The following CAMK2D variants were observed in gnomAD, a reference collection of about 807,000 sequenced individuals.
CAMK2D encodes calcium/calmodulin dependent protein kinase II delta.
A neutral mutation model predicts 84.0 loss-of-function variants in CAMK2D; 37 were observed. That is an observed-to-expected ratio of 0.44 (90% CI 0.34 to 0.58). The LOEUF (loss-of-function observed/expected upper bound fraction) is 0.58, where lower values mean the gene tolerates loss of function less well. Among genes scored for constraint, CAMK2D ranks in the 20% least tolerant of loss-of-function variants. The pLI, the probability that CAMK2D is intolerant of heterozygous loss-of-function variation, is 0.02. For synonymous variants in CAMK2D, 202 were observed against 212.5 expected (o/e 0.95, Z 0.43); for missense variants, 448 against 652.5 (o/e 0.69, Z 3.41).
intron 2 of CAMK2D, among the ~76,000 whole-genome samples, chr4:113,700,637 T>G (rs984669548): frequency 1.3e-5 from 2 of 152,264 alleles, no homozygotes; most frequent in East Asian, 3.9e-4. Context: ...AGGTCCCAGG[T>G]AAACTGCTTC....
intron 4 of CAMK2D, among the ~76,000 whole-genome samples, chr4:113,570,776 C>A (rs1475012657): frequency 6.6e-6 from 1 of 152,042 alleles, no homozygotes; most frequent in East Asian, 1.9e-4. Flanking sequence ...AAAGATCAGA[C>A]AACAAAAGCA....
intron 3 of CAMK2D, among the ~76,000 whole-genome samples, chr4:113,622,480 T>C (rs2099050226): frequency 1.3e-5 from 2 of 152,276 alleles, no homozygotes; most frequent in African/African-American, 4.8e-5. Context: ...AAAAAAATAA[T>C]ATAGCTGGGC....
intron 5 of CAMK2D, among the ~76,000 whole-genome samples, chr4:113,551,812 T>C (rs565110003): frequency 2.5e-4 from 38 of 152,178 alleles, no homozygotes; most frequent in Non-Finnish European, 5.0e-4. Context: ...GTGGGGTGTT[T>C]TGGTTTGTTT....
At chr4:113,548,082 T>C (rs1311958512) in intron 5 of CAMK2D, among the ~76,000 whole-genome samples, 1 of 152,176 alleles carries the variant, frequency 6.6e-6, no homozygotes, top group Non-Finnish European at 1.5e-5. Context: ...GTTTCCCTTT[T>C]CTCTCCCATT....
intron 3 of CAMK2D, among the ~76,000 whole-genome samples, chr4:113,657,289 CAA>C (rs2099205792): frequency 6.6e-6 from 1 of 152,122 alleles, no homozygotes; most frequent in South Asian, 2.1e-4. Flanking sequence ...CTGCATAGAA[CAA>C]ATCCTTACGA....
At chr4:113,746,961 A>T (rs1444988311) in intron 2 of CAMK2D, among the ~76,000 whole-genome samples, 1 of 148,052 alleles carries the variant, frequency 6.8e-6, no homozygotes, top group East Asian at 2.0e-4. Flanking sequence ...AAAAAAAAAA[A>T]AAATCTACCA....
intron 5 of CAMK2D, among the ~76,000 whole-genome samples, chr4:113,550,448 T>C (rs892023185): frequency 5.3e-5 from 8 of 152,214 alleles, no homozygotes; most frequent in Admixed American, 2.6e-4. Context: ...TCTGGGATTA[T>C]AGGAGTGGGC....
At chr4:113,473,543 C>T (rs917409361) in intron 16 of CAMK2D, among the ~76,000 whole-genome samples, 1 of 152,076 alleles carries the variant, frequency 6.6e-6, no homozygotes, top group Non-Finnish European at 1.5e-5. Flanking sequence ...TTTCTATTCA[C>T]GAATGTTTAC....
chr4:113,542,309 T>A (rs1387681076), intron 6 of CAMK2D, among the ~76,000 whole-genome samples: 3 of 152,240 alleles, frequency 2.0e-5, no homozygotes, highest in African/African-American at 7.2e-5. Flanking sequence ...ACAGATGATG[T>A]GTTCCTTAAA....
intron 3 of CAMK2D, among the ~76,000 whole-genome samples, chr4:113,615,164 A>G (rs1480495088): frequency 1.3e-5 from 2 of 152,182 alleles, no homozygotes; most frequent in African/African-American, 4.8e-5. Context: ...GTAGTTAATT[A>G]TAATTCATAG....
At chr4:113,698,323 T>C (rs1342771424) in intron 2 of CAMK2D, among the ~76,000 whole-genome samples, 1 of 152,054 alleles carries the variant, frequency 6.6e-6, no homozygotes, top group East Asian at 1.9e-4. Flanking sequence ...ATCAATGCTC[T>C]TATTTGACTC....
At chr4:113,725,008 G>T (rs1447861492) in intron 2 of CAMK2D, among the ~76,000 whole-genome samples, 1 of 151,822 alleles carries the variant, frequency 6.6e-6, no homozygotes, top group East Asian at 1.9e-4. Context: ...TAGCTATAAA[G>T]ATCGTTTTCT....
chr4:113,560,974 A>G (rs895748878), intron 4 of CAMK2D, among the ~76,000 whole-genome samples: 4 of 152,158 alleles, frequency 2.6e-5, no homozygotes, highest in African/African-American at 9.7e-5. Flanking sequence ...TTCATAGAGG[A>G]GGTGCTATCC....
intron 3 of CAMK2D, among the ~76,000 whole-genome samples, chr4:113,619,615 T>C (rs1377696766): frequency 6.6e-6 from 1 of 152,192 alleles, no homozygotes; most frequent in Non-Finnish European, 1.5e-5. Context: ...ACTTGATGTT[T>C]CCTCTGCCTG....
intron 18 of CAMK2D, among the ~76,000 whole-genome samples, chr4:113,459,260 C>G (rs188735030): frequency 6.6e-6 from 1 of 151,932 alleles, no homozygotes; most frequent in Non-Finnish European, 1.5e-5. Context: ...GTTCTGTCAC[C>G]CAGGCAGGAG....
chr4:113,706,875 ATTT>A (rs2099459586), intron 2 of CAMK2D, among the ~76,000 whole-genome samples: 1 of 152,202 alleles, frequency 6.6e-6, no homozygotes, highest in South Asian at 2.1e-4. Context: ...GAAAGAAAGC[ATTT>A]TTAACAACAC....
At chr4:113,555,249 T>C (rs1021585282) in intron 4 of CAMK2D, among the ~76,000 whole-genome samples, 15 of 152,238 alleles carry the variant, frequency 9.9e-5, no homozygotes, top group Admixed American at 6.5e-4. Flanking sequence ...GGTGCCACAT[T>C]AACCCAAGGA....
At chr4:113,564,369 A>C (rs2098712676) in intron 4 of CAMK2D, among the ~76,000 whole-genome samples, 1 of 152,192 alleles carries the variant, frequency 6.6e-6, no homozygotes, top group Non-Finnish European at 1.5e-5. Flanking sequence ...CTTGCTGGTA[A>C]CGCCTAGCTA....
At chr4:113,633,353 T>C (rs114935489) in intron 3 of CAMK2D, among the ~76,000 whole-genome samples, 3,260 of 152,248 alleles carry the variant, frequency 0.021, 61 homozygotes, top group Non-Finnish European at 0.034. Flanking sequence ...CAAAAAGGTA[T>C]TAATATTTTC....
Sources: gnomAD v4.1 joint callset for allele counts (sites outside exome capture counted in the v4.1 genomes callset) on GRCh38, gnomAD v4.1.1 for gene constraint, MANE v1.5 for transcripts, NCBI Gene and HGNC (gene_info 2026-07-23, HGNC 2026-07-21) for gene names.